The following SLC12A8 variants were observed in gnomAD, a reference collection of about 807,000 sequenced individuals.
SLC12A8 encodes the protein cation-chloride cotransporter 9.
SLC12A8 carries 69 observed loss-of-function variants against 75.6 expected under a neutral mutation model. The ratio of observed to expected loss-of-function variants is 0.91; its 90% CI spans 0.75 to 1.11. The LOEUF (loss-of-function observed/expected upper bound fraction) is 1.11. Among genes scored for constraint, SLC12A8 ranks in the 50% most tolerant of loss-of-function variants. SLC12A8 has a pLI of 0.00. For synonymous variants in SLC12A8, 365 were observed against 372.8 expected, an observed-to-expected ratio of 0.98 and a Z score of 0.24; for missense variants, 877 against 896.7, an observed-to-expected ratio of 0.98 and a Z score of 0.28.
At chr3:125,129,883 C>T (rs1008917864) in intron 6 of SLC12A8, among the ~76,000 whole-genome samples, 15 of 152,352 alleles carry the variant, frequency 9.8e-5, no homozygotes, top group African/African-American at 2.9e-4. Flanking sequence ...GACAGAGACA[C>T]GGAGGGCAGC....
At chr3:125,149,027 C>T (rs543125525) in intron 5 of SLC12A8, among the ~76,000 whole-genome samples, 1 of 152,218 alleles carries the variant, frequency 6.6e-6, no homozygotes, top group Admixed American at 6.5e-5. Context: ...ATCGCTTCCT[C>T]GGAACTCCCA....
chr3:125,173,752 A>T (rs977065436), intron 5 of SLC12A8, among the ~76,000 whole-genome samples: 3 of 152,210 alleles, frequency 2.0e-5, no homozygotes, highest in African/African-American at 7.2e-5. Context: ...TGCAAAACAC[A>T]CATCTGATAA....
chr3:125,173,340 A>G (rs1257568880), intron 5 of SLC12A8, among the ~76,000 whole-genome samples: 1 of 151,988 alleles, frequency 6.6e-6, no homozygotes, highest in Non-Finnish European at 1.5e-5. Context: ...AAGAGAACCC[A>G]GAAACACACA....
rs939907439 is a variant in SLC12A8, at chr3:125,120,361, G to A, written c.824+238C>T. On this transcript the variant is annotated intron_variant, in intron 7 of 13. Coordinates refer to ENST00000469902, the MANE Select transcript of SLC12A8 (RefSeq NM_024628.6). ...AAAGGAAAGAAAGGATTCGATCTGTGATCTGGGTCCCGACACTCCTCCTCG... is the reference window on the plus strand; with the variant it reads ...AAAGGAAAGAAAGGATTCGATCTGTAATCTGGGTCCCGACACTCCTCCTCG... Among the ~76,000 whole-genome samples the A allele has an allele frequency of 2.0e-5, 3 of 152,130 alleles. No individual in the cohort carries two copies. In the East Asian group the frequency reaches 5.8e-4, roughly 29 times the overall value.
chr3:125,161,146 T>G (rs897831903), intron 5 of SLC12A8, among the ~76,000 whole-genome samples: 1 of 152,146 alleles, frequency 6.6e-6, no homozygotes, highest in African/African-American at 2.4e-5. Context: ...CATAACAATG[T>G]TATCATTTTT....
intron 5 of SLC12A8, among the ~76,000 whole-genome samples, chr3:125,156,160 A>AGAG (rs1378021929): frequency 6.6e-6 from 1 of 152,318 alleles, no homozygotes; most frequent in East Asian, 1.9e-4. Flanking sequence ...ATCCAATGGG[A>AGAG]GAGGCCATGT....
intron 5 of SLC12A8, among the ~76,000 whole-genome samples, chr3:125,169,339 C>T (rs1284961742): frequency 3.3e-5 from 5 of 152,064 alleles, no homozygotes; most frequent in Non-Finnish European, 5.9e-5. Context: ...TGCAGTGATG[C>T]TTGTTTTTGG....
chr3:125,204,449 G>A (rs890479087), intron 2 of SLC12A8, among the ~76,000 whole-genome samples: 1 of 152,170 alleles, frequency 6.6e-6, no homozygotes, highest in Non-Finnish European at 1.5e-5. Flanking sequence ...GGAACTGGAG[G>A]TCATTAGGTT....
intron 7 of SLC12A8, 133 bp from the exon 8 acceptor site, chr3:125,118,989 C>G: frequency 1.7e-6 from 1 of 599,654 alleles, no homozygotes; most frequent in Non-Finnish European, 3.0e-6. Flanking sequence ...ATGAAGCTTC[C>G]CCAGCTGGCT....
chr3:125,190,279 T>C, intron 3 of SLC12A8, 96 bp downstream of exon 3: 2 of 1,345,370 alleles, frequency 1.5e-6, no homozygotes. Flanking sequence ...CATCTGTGCT[T>C]CAGGAATCTG....
rs957437976 is a variant in SLC12A8, at chr3:125,112,586, G to A, written c.913-2251C>T. ...GCAGCTTCATGACTTTGCTGTAATC[G>A]TGCCCTAGGTGCCTTACAAAACTGT... On this transcript the variant is annotated intron_variant, in intron 8 of 13. Transcript: ENST00000469902. Among the ~76,000 whole-genome samples the A allele has an allele frequency of 3.3e-5, 5 of 152,038 alleles. No individual in the cohort carries two copies. In the South Asian group the frequency reaches 8.3e-4, roughly 25 times the overall value.
chr3:125,178,599 A>C (rs963565517), intron 4 of SLC12A8, among the ~76,000 whole-genome samples: 1 of 152,160 alleles, frequency 6.6e-6, no homozygotes, highest in Non-Finnish European at 1.5e-5. Context: ...TACCTTATGG[A>C]TTTTTTTCCA....
rs1319765617 is a variant in SLC12A8, at chr3:125,128,183, AT to A, written c.736+7485del. ...CCGTGCCCGGCCTAAGCTTATTTTT[AT>A]TTTTTTTTTTTTTTGAGACGGAGTC... is the stretch of plus-strand genomic sequence containing the variant. On this transcript the variant is annotated intron_variant, in intron 6 of 13. Coordinates refer to ENST00000469902, the MANE Select transcript of SLC12A8 (RefSeq NM_024628.6). Among the ~76,000 whole-genome samples, 472 of 127,668 alleles carry A rather than the reference AT, an allele frequency of 3.7e-3. 2 individuals are homozygous for A. The highest frequency in any genetic ancestry group is 0.016 in the African/African-American group (448 of 28,114). 83.8% of individuals were successfully genotyped at this position (127,668 alleles called of 152,430 possible). A position where few individuals can be genotyped will look rare whatever the true frequency, so the allele number is the denominator to read the frequency against.
intron 2 of SLC12A8, among the ~76,000 whole-genome samples, chr3:125,198,595 T>C (rs966791487): frequency 4.0e-5 from 6 of 151,370 alleles, no homozygotes; most frequent in Non-Finnish European, 7.4e-5. Context: ...ATCTCACCAC[T>C]GAACTCCAGC....
intron 5 of SLC12A8, among the ~76,000 whole-genome samples, chr3:125,169,638 G>A (rs550951395): frequency 7.2e-5 from 11 of 152,296 alleles, no homozygotes; most frequent in African/African-American, 2.2e-4. Flanking sequence ...TCTGCTCCCC[G>A]AACTGATGCA....
intron 4 of SLC12A8, among the ~76,000 whole-genome samples, chr3:125,184,176 G>C (rs749537332): frequency 2.6e-5 from 4 of 151,996 alleles, no homozygotes; most frequent in Non-Finnish European, 5.9e-5. Flanking sequence ...TCACTATGTT[G>C]GTCAAGCTGG....
chr3:125,126,890 C>CTT (rs5852442), intron 6 of SLC12A8, among the ~76,000 whole-genome samples: 108 of 148,128 alleles, frequency 7.3e-4, no homozygotes, highest in African/African-American at 2.4e-3. Context: ...CATCTGCTGC[C>CTT]TTTTTTTTTT....
intron 10 of SLC12A8, among the ~76,000 whole-genome samples, chr3:125,101,158 A>G (rs957831888): frequency 6.6e-6 from 1 of 152,202 alleles, no homozygotes; most frequent in African/African-American, 2.4e-5. Flanking sequence ...TGACAGTCAG[A>G]TTGACCTGGG....
At chr3:125,141,019 C>T (rs899770112) in intron 5 of SLC12A8, among the ~76,000 whole-genome samples, 5 of 152,320 alleles carry the variant, frequency 3.3e-5, no homozygotes, top group Admixed American at 2.0e-4. Context: ...TTTCAACTCT[C>T]GAAGGCCTGG....
Sources: gnomAD v4.1 joint callset for allele counts (sites outside exome capture counted in the v4.1 genomes callset) on GRCh38, gnomAD v4.1.1 for gene constraint, MANE v1.5 for transcripts, NCBI Gene and HGNC (gene_info 2026-07-23, HGNC 2026-07-21) for gene names.